Variants in NSF observed in about 807,000 individuals in gnomAD.
NSF encodes vesicle-fusing ATPase.
NSF carries 14 observed loss-of-function variants against 50.3 expected under a neutral mutation model. The ratio of observed to expected loss-of-function variants is 0.28; its 90% CI spans 0.18 to 0.44. NSF has a LOEUF of 0.44. NSF is among the 20% of genes least tolerant of loss of function. NSF has a pLI of 1.00. For synonymous variants in NSF, 109 were observed against 175.7 expected (o/e 0.62, Z 3.00); for missense variants, 218 against 504.3 (o/e 0.43, Z 5.44).
At chr17:46,744,891 T>G (rs1304787107) in intron 17 of NSF, among the ~76,000 whole-genome samples, 1 of 152,226 alleles carries the variant, frequency 6.6e-6, no homozygotes, top group Non-Finnish European at 1.5e-5. Flanking sequence ...TAACTAATAC[T>G]TATTTAACCT....
At chr17:46,732,313 G>A (rs1479912271) in intron 17 of NSF, among the ~76,000 whole-genome samples, 1 of 152,096 alleles carries the variant, frequency 6.6e-6, no homozygotes, top group Non-Finnish European at 1.5e-5. Flanking sequence ...GCACTATGTT[G>A]TTATGTATCC....
In NSF at chr17:46,708,934, C is replaced by T. The variant is rs554822997; in HGVS notation, c.1471-2029C>T. On this transcript the variant is annotated intron_variant, in intron 13 of 20. Coordinates refer to ENST00000398238, the MANE Select transcript of NSF (RefSeq NM_006178.4). ...CCGCCTCCTGGGTTCAAGTGATTCT[C>T]CTGCCTCAGCTTCCTGAGTAGCTAG... is the stretch of plus-strand genomic sequence containing the variant. 2.6e-4 allele frequency among the ~76,000 whole-genome samples: 39 copies of T among 149,996 alleles called. 1 individual carries two copies. The Admixed American group carries it at 2.6e-3, about 10-fold the overall frequency.
intron 16 of NSF, among the ~76,000 whole-genome samples, chr17:46,727,553 CCT>C (rs1447864750): frequency 6.6e-6 from 1 of 152,030 alleles, no homozygotes; most frequent in African/African-American, 2.4e-5. Context: ...TGCTTTTGGT[CCT>C]CTGTTATTTA....
chr17:46,711,398 T>A (rs1459253978), intron 14 of NSF, among the ~76,000 whole-genome samples: 1 of 152,242 alleles, frequency 6.6e-6, no homozygotes, highest in African/African-American at 2.4e-5. Context: ...TTAGCCTCAA[T>A]TCAATTAAAT....
At chr17:46,745,575 T>A (rs1326839358) in intron 17 of NSF, among the ~76,000 whole-genome samples, 7 of 152,232 alleles carry the variant, frequency 4.6e-5, no homozygotes, top group Non-Finnish European at 1.0e-4. Flanking sequence ...CTTTCTGGAA[T>A]GAGTAAGAAG....
intron 15 of NSF, among the ~76,000 whole-genome samples, chr17:46,726,152 A>G (rs1350330767): frequency 6.6e-6 from 1 of 152,212 alleles, no homozygotes; most frequent in Non-Finnish European, 1.5e-5. Context: ...TGCTTAACAG[A>G]GCCACAATTC....
At chr17:46,749,934 CTG>C in intron 18 of NSF, 27 bp downstream of exon 18, 1 of 1,610,080 alleles carries the variant, frequency 6.2e-7, no homozygotes, top group East Asian at 2.2e-5. Flanking sequence ...GGATTGCACA[CTG>C]TTTATAAGAA....
chr17:46,704,669 A>G (rs1461796705), intron 12 of NSF, 90 bp from the exon 13 acceptor site: 1 of 1,473,578 alleles, frequency 6.8e-7, no homozygotes, highest in African/African-American at 1.5e-5. Context: ...ATGCTTTTAA[A>G]TCCTCAAGAG....
At chr17:46,733,839 T>C (rs990546778) in intron 17 of NSF, among the ~76,000 whole-genome samples, 3 of 152,350 alleles carry the variant, frequency 2.0e-5, no homozygotes, top group Admixed American at 6.5e-5. Flanking sequence ...CTAACAGTTA[T>C]TAGTGTTCTG....
intron 15 of NSF, among the ~76,000 whole-genome samples, chr17:46,720,553 C>T (rs199456): frequency 0.13 from 20,319 of 152,138 alleles, 1,854 homozygotes; most frequent in Non-Finnish European, 0.2. Flanking sequence ...CTAATGTTTG[C>T]TTGGTCTACT....
intron 17 of NSF, among the ~76,000 whole-genome samples, chr17:46,747,001 T>C (rs2059136387): frequency 6.6e-6 from 1 of 152,164 alleles, no homozygotes; most frequent in African/African-American, 2.4e-5. Flanking sequence ...TTATAGTCTT[T>C]GGGAAGGAGA....
intron 16 of NSF, 105 bp downstream of exon 16, chr17:46,726,720 G>C (rs1398827004): frequency 1.0e-6 from 1 of 971,398 alleles, no homozygotes; most frequent in African/African-American, 1.6e-5. Context: ...TAAAGCAATA[G>C]AAATACCTTT....
At chr17:46,708,491 C>CTTTTT (rs140361958) in intron 13 of NSF, among the ~76,000 whole-genome samples, 7 of 124,858 alleles carry the variant, frequency 5.6e-5, no homozygotes, top group Non-Finnish European at 8.1e-5. Context: ...GTTACATATC[C>CTTTTT]TTTTTTTTTT....
intron 8 of NSF, among the ~76,000 whole-genome samples, chr17:46,657,961 A>C (rs1598661009): frequency 1.7e-5 from 1 of 57,330 alleles, no homozygotes; most frequent in Non-Finnish European, 2.7e-5. Flanking sequence ...TTTTTATTTT[A>C]TTTTATTTAT....
chr17:46,720,163 A>G (rs185740398), intron 15 of NSF, among the ~76,000 whole-genome samples: 2 of 152,360 alleles, frequency 1.3e-5, no homozygotes, highest in Admixed American at 6.5e-5. Context: ...GTTTTTGGTT[A>G]ACATCCTAAT....
chr17:46,608,033 A>G (rs1023749087), intron 1 of NSF, among the ~76,000 whole-genome samples: 4 of 126,490 alleles, frequency 3.2e-5, no homozygotes, highest in African/African-American at 1.3e-4. Flanking sequence ...TTTGACAGCC[A>G]GGCACGGTGG....
chr17:46,708,820 A>ATTT (rs1432167576), intron 13 of NSF, among the ~76,000 whole-genome samples: 14 of 98,546 alleles, frequency 1.4e-4, no homozygotes, highest in African/African-American at 5.8e-4. Flanking sequence ...ATATATATAT[A>ATTT]TATTTTTTTT....
chr17:46,749,984 C>A, intron 18 of NSF, 77 bp downstream of exon 18: 1 of 1,482,710 alleles, frequency 6.7e-7, no homozygotes, highest in Non-Finnish European at 9.2e-7. Flanking sequence ...CACATTATAC[C>A]TGGTGTTTGG....
intron 15 of NSF, chr17:46,722,121 G>A (rs750552319): frequency 1.8e-5 from 29 of 1,611,732 alleles, no homozygotes; most frequent in Non-Finnish European, 2.1e-5. Context: ...GAACTCGTCC[G>A]GCTTCTCGCC....
Sources: gnomAD v4.1 joint callset for allele counts (sites outside exome capture counted in the v4.1 genomes callset) on GRCh38, gnomAD v4.1.1 for gene constraint, MANE v1.5 for transcripts, NCBI Gene and HGNC (gene_info 2026-07-23, HGNC 2026-07-21) for gene names.